Variants in CD55 observed in about 807,000 individuals in gnomAD.
CD55 encodes CD55 molecule (Cromer blood group).
CD55 carries 41 observed loss-of-function variants against 45.8 expected under a neutral mutation model. The observed-to-expected ratio is 0.90, with a 90% CI of 0.70 to 1.16. The LOEUF (loss-of-function observed/expected upper bound fraction) is 1.16. Among genes scored for constraint, CD55 ranks in the 50% most tolerant of loss-of-function variants. The pLI is 0.00. For synonymous variants in CD55, 181 were observed against 181.1 expected (o/e 1.00, Z 0.01); for missense variants, 416 against 469.8 (o/e 0.89, Z 1.06).
chr1:207,346,665 T>G (rs755168059), intron 9 of CD55, among the ~76,000 whole-genome samples: 1 of 152,132 alleles, frequency 6.6e-6, no homozygotes, highest in Admixed American at 6.5e-5. Context: ...TGCTCCTCTA[T>G]TGGGGGTGTC....
At chr1:207,326,909 T>G (rs1458463461) in intron 5 of CD55, 72 bp downstream of exon 5, 1 of 1,072,866 alleles carries the variant, frequency 9.3e-7, no homozygotes, top group African/African-American at 1.6e-5. Context: ...TTCTGCCCCT[T>G]AAGAATATTA....
chr1:207,337,989 G>A (rs901704772), intron 8 of CD55, among the ~76,000 whole-genome samples: 3 of 152,116 alleles, frequency 2.0e-5, no homozygotes, highest in East Asian at 1.9e-4. Flanking sequence ...CATTATGACC[G>A]TATTTTCAAA....
chr1:207,350,768 T>C (rs898765580), intron 9 of CD55, among the ~76,000 whole-genome samples: 10 of 152,292 alleles, frequency 6.6e-5, no homozygotes, highest in African/African-American at 2.4e-4. Context: ...GCTAGTTGTC[T>C]ATCAATCTTA....
chr1:207,322,671 A>C (rs557247015), intron 2 of CD55, 104 bp downstream of exon 2: 2 of 1,000,500 alleles, frequency 2.0e-6, no homozygotes, highest in East Asian at 5.3e-5. Context: ...CTCTAGCGTT[A>C]CTAAACCCCA....
Position 207,336,756 on chromosome 1 carries a change from C to A in CD55, c.917C>A (p.Thr306Asn), listed in dbSNP as rs1295559383. 1 of 1,613,708 alleles carries A rather than the reference C, an allele frequency of 6.2e-7. No individual in the cohort carries two copies. The highest frequency in any genetic ancestry group is 1.3e-5 in the African/African-American group (1 of 74,896). ...VQKPTTVNVP[T>N]TEVSPTSQKT... is the part of the protein sequence containing the mutation. Reference sequence around the variant, plus strand: ...AAACCTACCACAGTAAATGTTCCAACTACAGAAGTCTCACCAACTTCTCAG... The same window carrying A: ...AAACCTACCACAGTAAATGTTCCAAATACAGAAGTCTCACCAACTTCTCAG... The change falls in exon 7 of 10, where the codon ACT (threonine) becomes AAT (asparagine). Residue 306 changes from threonine (T) to asparagine (N), a missense_variant. Physicochemically the swap from Thr to Asn is moderately conservative, Grantham distance 65. Transcript: ENST00000367064.
intron 9 of CD55, chr1:207,354,259 A>C: frequency 1.0e-6 from 1 of 984,614 alleles, no homozygotes; most frequent in Non-Finnish European, 1.2e-6. Context: ...CTGGGGCTAG[A>C]AGTGAGTTTT....
At chr1:207,352,279 C>T (rs767235831) in intron 9 of CD55, among the ~76,000 whole-genome samples, 1 of 151,810 alleles carries the variant, frequency 6.6e-6, no homozygotes, top group Non-Finnish European at 1.5e-5. Context: ...TTCTTGCTCT[C>T]TTCTCACCAA....
chr1:207,335,337 G>A (rs1471981335), intron 6 of CD55, among the ~76,000 whole-genome samples: 4 of 152,076 alleles, frequency 2.6e-5, no homozygotes, highest in Non-Finnish European at 4.4e-5. Flanking sequence ...AAGTGCGCAT[G>A]GGCTATTTAC....
intron 9 of CD55, among the ~76,000 whole-genome samples, chr1:207,355,212 G>C (rs1178229160): frequency 6.6e-6 from 1 of 151,916 alleles, no homozygotes. Context: ...TGCTGATTTG[G>C]AGCCAAATAC....
In CD55 at chr1:207,339,380, T is replaced by C. The variant is rs1238099048; in HGVS notation, c.1061-17T>C. ...CAAATTTTTGTTGTTAATCCTTTTT[T>C]TCCCCTTCGTCTGTAGGTACTACCC... On this transcript the variant is annotated splice_polypyrimidine_tract_variant and intron_variant, in intron 8 of 9. Coordinates refer to ENST00000367064, the MANE Select transcript of CD55 (RefSeq NM_000574.5). 1 of 1,600,324 alleles carries C rather than the reference T, an allele frequency of 6.2e-7. No individual in the cohort carries two copies. Among genetic ancestry groups the C allele is most frequent in the African/African-American group, 1.3e-5 (1 of 74,460 alleles).
intron 5 of CD55, among the ~76,000 whole-genome samples, chr1:207,329,499 T>G (rs375410872): frequency 8.5e-5 from 13 of 152,308 alleles, no homozygotes; most frequent in African/African-American, 3.1e-4. Flanking sequence ...CCCAAATTCC[T>G]TAGTATAGTG....
At chr1:207,346,566 G>A (rs1206258069) in intron 9 of CD55, among the ~76,000 whole-genome samples, 1 of 152,172 alleles carries the variant, frequency 6.6e-6, no homozygotes, top group Non-Finnish European at 1.5e-5. Flanking sequence ...GGCACATGCA[G>A]TTTGCTCATG....
chr1:207,339,276 G>A lies in CD55; in HGVS notation c.1061-121G>A. 3 of 684,798 alleles carry A rather than the reference G, an allele frequency of 4.4e-6. No individual in the cohort carries two copies. The East Asian group carries it at 7.7e-5, about 18-fold the overall frequency. 42.4% of individuals were successfully genotyped at this position (684,798 alleles called of 1,614,324 possible). On this transcript the variant is annotated intron_variant, in intron 8 of 9. Transcript: ENST00000367064. ...ATAAATTTATAATTATTTCATTTGT[G>A]GAAATTTGAGTTGCTTTCGAGTTTT...
intron 9 of CD55, among the ~76,000 whole-genome samples, chr1:207,356,331 A>G (rs1656073684): frequency 6.6e-6 from 1 of 152,096 alleles, no homozygotes; most frequent in Admixed American, 6.5e-5. Flanking sequence ...CTCTGTATTC[A>G]TTTTTGTCTG....
intron 4 of CD55, among the ~76,000 whole-genome samples, 175 bp from the exon 5 acceptor site, chr1:207,326,577 G>A (rs1035190180): frequency 2.6e-5 from 4 of 152,096 alleles, no homozygotes; most frequent in Non-Finnish European, 5.9e-5. Context: ...TGGATGTCAC[G>A]TTTTTAAACT....
intron 9 of CD55, among the ~76,000 whole-genome samples, chr1:207,349,448 G>T (rs1047502468): frequency 3.9e-5 from 6 of 152,116 alleles, no homozygotes; most frequent in African/African-American, 1.4e-4. Context: ...CTTGCAAAGT[G>T]CTGGGATTAC....
chr1:207,340,665 C>T (rs925694672), intron 9 of CD55: 3 of 580,662 alleles, frequency 5.2e-6, no homozygotes, highest in Non-Finnish European at 9.3e-6. Flanking sequence ...CTGCACCTGG[C>T]CCCACATTTT....
At chr1:207,325,038 T>C (rs1654610256) in intron 3 of CD55, among the ~76,000 whole-genome samples, 1 of 152,126 alleles carries the variant, frequency 6.6e-6, no homozygotes. Flanking sequence ...GAAATTAGAA[T>C]TAAAGAAGTC....
chr1:207,325,629 A>G lies in CD55; in HGVS notation c.486A>G (p.Ser162=), dbSNP rs769953716. The change falls in exon 4 of 10, where the codon TCA becomes TCG. Residue 162 remains serine (S), a synonymous_variant. Coordinates refer to ENST00000367064, the MANE Select transcript of CD55 (RefSeq NM_000574.5). ...STAVEFCKKK[S]CPNPGEIRNG... ...ATTTGTATTCTATTCTAGAGAAATC[A>G]TGCCCTAATCCGGGAGAAATACGAA... is the stretch of plus-strand genomic sequence containing the variant. The G allele has an allele frequency of 6.2e-7, 1 of 1,601,864 alleles. No homozygotes were observed. The highest frequency in any genetic ancestry group is 8.5e-7 in the Non-Finnish European group (1 of 1,169,788).
Sources: allele counts gnomAD v4.1 joint callset (sites outside exome capture counted in the v4.1 genomes callset), GRCh38; gene constraint gnomAD v4.1.1; transcripts MANE v1.5; gene names NCBI Gene and HGNC (gene_info 2026-07-23, HGNC 2026-07-21).